RET: variants seen among roughly 807,000 people sequenced by gnomAD.
The protein encoded by RET is proto-oncogene tyrosine-protein kinase receptor Ret.
RET carries 19 observed loss-of-function variants against 118.3 expected under a neutral mutation model. The ratio of observed to expected loss-of-function variants is 0.16; its 90% CI spans 0.11 to 0.24. The LOEUF (loss-of-function observed/expected upper bound fraction) is 0.24, where lower values mean the gene tolerates loss of function less well. Among genes scored for constraint, RET ranks in the 10% least tolerant of loss-of-function variants. The probability of loss-of-function intolerance (pLI) is 1.00; values close to 1 mark genes in which losing one functional copy is unlikely to be tolerated. For missense variants in RET, 1,219 were observed against 1,502.1 expected, an observed-to-expected ratio of 0.81 and a Z score of 3.12; for synonymous variants, 597 against 644.1, an observed-to-expected ratio of 0.93 and a Z score of 1.11.
Position 43,114,737 on chromosome 10 carries a change from G to A in RET, c.2136+1G>A, listed in dbSNP as rs2132855990. Reference sequence around the variant, plus strand: ...CTCCGTGGATGCCTTCAAGATCCTGGTGAGGGTCCCTGCGGGGCAGGGAAG... The same window carrying A: ...CTCCGTGGATGCCTTCAAGATCCTGATGAGGGTCCCTGCGGGGCAGGGAAG... On this transcript the variant is annotated splice_donor_variant, in intron 11 of 19. Transcript: ENST00000355710. LOFTEE classifies it high-confidence loss of function. This position sits in a 1 kb window ranked among gnomAD's most constrained non-coding sequence, Gnocchi z 4.6. The A allele has an allele frequency of 6.2e-7, 1 of 1,608,706 alleles. No individual in the cohort carries two copies. The highest frequency in any genetic ancestry group is 8.5e-7 in the Non-Finnish European group (1 of 1,179,270).
Position 43,116,200 on chromosome 10 carries a change from C to T in RET, c.2137-384C>T, listed in dbSNP as rs189038012. ...CACACTCTGAGGCGGAACATGGTGG[C>T]GCCTTTCTTTGCAGGGGTGGCTATG... On this transcript the variant is annotated intron_variant, in intron 11 of 19. Transcript: ENST00000355710. 4.9e-3 allele frequency among the ~76,000 whole-genome samples: 746 copies of T among 152,300 alleles called. No individual in the cohort carries two copies. Among genetic ancestry groups the T allele is most frequent in the Middle Eastern group, 6.8e-3 (2 of 294 alleles).
chr10:43,119,703 C>T lies in RET; in HGVS notation c.2565C>T (p.Ala855=), dbSNP rs773912702. The T allele has an allele frequency of 6.2e-6, 10 of 1,613,550 alleles. No individual in the cohort carries two copies. Among genetic ancestry groups the T allele is most frequent in the South Asian group, 1.1e-5 (1 of 91,088 alleles). Residue 855 remains alanine, a synonymous_variant, in exon 14 of 20, where the codon GCC becomes GCT. Coordinates refer to ENST00000355710, the MANE Select transcript of RET (RefSeq NM_020975.6). ...CCATGGGCGACCTCATCTCATTTGC[C>T]TGGCAGATCTCACAGGGGATGCAGT... is the stretch of plus-strand genomic sequence containing the variant. ...ALTMGDLISF[A]WQISQGMQYL... is the part of the protein sequence containing the mutation.
intron 16 of RET, among the ~76,000 whole-genome samples, chr10:43,122,265 G>A (rs966793630): frequency 6.6e-6 from 1 of 152,200 alleles, no homozygotes; most frequent in Admixed American, 6.5e-5. Flanking sequence ...AGCCGAGCAG[G>A]TGGCCAGTAA....
rs1554818910 is a variant in RET, at chr10:43,114,531, T to C, written c.1931T>C (p.Phe644Ser). Residue 644 changes from phenylalanine to serine, a missense_variant, in exon 11 of 20, where the codon TTC becomes TCC. This residue lies in a region of RET where 850 missense variants were observed against 969.6 expected (regional missense o/e 0.88). Coordinates refer to ENST00000355710, the MANE Select transcript of RET (RefSeq NM_020975.6). The surrounding 1 kb of genome is among the most constrained non-coding windows in gnomAD (Gnocchi z 4.6). ...ACGGTGATCGCAGCCGCTGTCCTCT[T>C]CTCCTTCATCGTCTCGGTGCTGCTG... ...CRTVIAAAVL[F>S]SFIVSVLLSA... is the part of the protein sequence containing the mutation. 6.2e-7 allele frequency: 1 copy of C among 1,609,076 alleles called. No individual in the cohort carries two copies. Among genetic ancestry groups the C allele is most frequent in the East Asian group, 2.2e-5 (1 of 44,808 alleles).
chr10:43,128,637 GTTGGATT>G lies in RET; in HGVS notation c.*371_*377del, dbSNP rs1838384685. The G allele has an allele frequency of 2.5e-6, 1 of 398,166 alleles. No individual in the cohort carries two copies. Among genetic ancestry groups the G allele is most frequent in the African/African-American group, 2.0e-5 (1 of 50,468 alleles). 24.7% of individuals were successfully genotyped at this position (398,166 alleles called of 1,614,324 possible). A position where few individuals can be genotyped will look rare whatever the true frequency, so the allele number is the denominator to read the frequency against. On this transcript the variant is annotated 3_prime_UTR_variant, in exon 20 of 20. Transcript: ENST00000355710. ...TGGTGTATGAAATTGGACCTGAACT[GTTGGATT>G]TTTCTAGTTGCCGCCAAACAAGGCA...
intron 19 of RET, 35 bp downstream of exon 19, chr10:43,126,757 C>G: frequency 6.2e-7 from 1 of 1,610,532 alleles, no homozygotes; most frequent in African/African-American, 1.3e-5. Flanking sequence ...GATTCTAGCA[C>G]CGCTGTCCCC....
rs1477614645 is a variant in RET at position 43,114,664 on chromosome 10, C to G, written c.2064C>G (p.Ser688=). 2.5e-6 allele frequency: 4 copies of G among 1,612,902 alleles called. No homozygotes were observed. The highest frequency in any genetic ancestry group is 3.4e-6 in the Non-Finnish European group (4 of 1,180,010). The change falls in exon 11 of 20, where the codon TCC becomes TCG. Residue 688 remains serine (S), a synonymous_variant. Transcript: ENST00000355710. The surrounding 1 kb of genome is among the most constrained non-coding windows in gnomAD (Gnocchi z 4.6). Reference sequence around the variant, plus strand: ...CCCAGGCCTTCCCGGTCAGCTACTCCTCTTCCGGTGCCCGCCGGCCCTCGC... The same window carrying G: ...CCCAGGCCTTCCCGGTCAGCTACTCGTCTTCCGGTGCCCGCCGGCCCTCGC... The part of the protein sequence containing the change: ...RPAQAFPVSY[S]SSGARRPSLD...
At chr10:43,100,898 A>G (rs1837629346) in intron 2 of RET, among the ~76,000 whole-genome samples, 176 bp downstream of exon 2, 1 of 152,230 alleles carries the variant, frequency 6.6e-6, no homozygotes, top group South Asian at 2.1e-4. Context: ...GAGAGAAGCC[A>G]GGACAAGCTT....
In RET at chr10:43,104,976, C is replaced by T. The variant is rs1060500754; in HGVS notation, c.650C>T (p.Ala217Val). The T allele has an allele frequency of 5.1e-6, 8 of 1,575,602 alleles. No homozygotes were observed. The East Asian group carries it at 1.4e-4, about 27-fold the overall frequency. ...GGTGAGGGTCTGCCCTTCCGCTGCG[C>T]CCCGGACAGCCTGGAGGTGAGCACG... The part of the protein sequence containing the change: ...LEGEGLPFRC[A>V]PDSLEVSTRW... The change falls in exon 4 of 20, where the codon GCC becomes GTC. Residue 217 changes from alanine to valine, a missense_variant. Physicochemically the swap from Ala to Val is moderately conservative, Grantham distance 64. Transcript: ENST00000355710.
intron 1 of RET, among the ~76,000 whole-genome samples, chr10:43,100,051 G>A (rs1837603244): frequency 6.6e-6 from 1 of 152,318 alleles, no homozygotes; most frequent in African/African-American, 2.4e-5. Flanking sequence ...TATGGTAGGC[G>A]TATGTTTAGA....
intron 1 of RET, among the ~76,000 whole-genome samples, chr10:43,095,315 C>T (rs964288335): frequency 6.6e-6 from 1 of 152,078 alleles, no homozygotes; most frequent in African/African-American, 2.4e-5. Flanking sequence ...GTGGACTGCC[C>T]GGGCAGCAGG....
At chr10:43,105,739 C>G (rs1293925745) in intron 4 of RET, among the ~76,000 whole-genome samples, 1 of 152,084 alleles carries the variant, frequency 6.6e-6, no homozygotes, top group East Asian at 1.9e-4. Flanking sequence ...GTAGGTAGTA[C>G]GTTGCCTTGT....
chr10:43,080,941 C>T (rs1837166036), intron 1 of RET, among the ~76,000 whole-genome samples: 1 of 152,234 alleles, frequency 6.6e-6, no homozygotes, highest in African/African-American at 2.4e-5. Context: ...ATGGAAGCTA[C>T]TGCTCTGAAG....
intron 12 of RET, among the ~76,000 whole-genome samples, chr10:43,117,573 G>C (rs1301181418): frequency 1.3e-5 from 2 of 152,214 alleles, no homozygotes; most frequent in African/African-American, 2.4e-5. Context: ...GACCTGGGAG[G>C]GATGGCTTAG....
rs1837612506 is a variant in RET at position 43,100,451 on chromosome 10, TCCCACAG to T, written c.74-7_74-1del. ...ACCATCCCTCACTCACTTCCCTACT[TCCCACAG>T]TGGCATTGGGCCTCTACTTCTCGAG... is the stretch of plus-strand genomic sequence containing the variant. On this transcript the variant is annotated splice_acceptor_variant and splice_polypyrimidine_tract_variant and intron_variant, in intron 1 of 19. Coordinates refer to ENST00000355710, the MANE Select transcript of RET (RefSeq NM_020975.6). LOFTEE classifies it high-confidence loss of function. The T allele has an allele frequency of 6.2e-7, 1 of 1,613,372 alleles. No individual in the cohort carries two copies. Among genetic ancestry groups the T allele is most frequent in the Non-Finnish European group, 8.5e-7 (1 of 1,179,974 alleles).
At position 43,123,827 on chromosome 10, in the gene RET, T is replaced by C. The variant is rs1838271938; in HGVS notation, c.2939+19T>C. On this transcript the variant is annotated intron_variant, in intron 17 of 19. Coordinates refer to ENST00000355710, the MANE Select transcript of RET (RefSeq NM_020975.6). The stretch of plus-strand genomic sequence containing the variant: ...AGGAGATGTGAGCGGGGACTGGCTT[T>C]GGCCCAGCCTCACTTGGGAAGGGAG... 6.2e-7 allele frequency: 1 copy of C among 1,613,866 alleles called. No individual in the cohort carries two copies. The highest frequency in any genetic ancestry group is 2.2e-5 in the East Asian group (1 of 44,862).
At chr10:43,079,620 C>A (rs1038715925) in intron 1 of RET, among the ~76,000 whole-genome samples, 1 of 152,206 alleles carries the variant, frequency 6.6e-6, no homozygotes, top group Non-Finnish European at 1.5e-5. Flanking sequence ...CCTCTTGTCT[C>A]TTGTCTTCCT....
In RET at chr10:43,114,170, C is replaced by T. The variant is rs1435893385; in HGVS notation, c.1880-310C>T. Among the ~76,000 whole-genome samples, 1 of 152,218 alleles carries T rather than the reference C, an allele frequency of 6.6e-6. No homozygotes were observed. The highest frequency in any genetic ancestry group is 2.4e-5 in the African/African-American group (1 of 41,456). On this transcript the variant is annotated intron_variant, in intron 10 of 19. Transcript: ENST00000355710. This position sits in a 1 kb window ranked among gnomAD's most constrained non-coding sequence, Gnocchi z 4.6. ...TTGGAACAGAGGAAAATTTTGACCT[C>T]CCCTGCCAGCCCTCCAGTGCCAGCT...
intron 4 of RET, 102 bp downstream of exon 4, chr10:43,105,295 G>C: frequency 6.5e-7 from 1 of 1,531,058 alleles, no homozygotes. Flanking sequence ...CCGTGTGGCC[G>C]ACCATTCGCG....
Sources: gnomAD v4.1 joint callset for allele counts (sites outside exome capture counted in the v4.1 genomes callset) on GRCh38, gnomAD v4.1.1 for gene constraint, gnomAD v4.1.1 regional missense constraint, Gnocchi (gnomAD v3.1) non-coding constraint, MANE v1.5 for transcripts, NCBI Gene and HGNC (gene_info 2026-07-23, HGNC 2026-07-21) for gene names.